SLC25A12: variants seen among roughly 807,000 people sequenced by gnomAD.
The protein encoded by SLC25A12 is electrogenic aspartate/glutamate antiporter SLC25A12, mitochondrial.
A neutral mutation model predicts 83.3 loss-of-function variants in SLC25A12; 32 were observed. That is an observed-to-expected ratio of 0.38 (90% CI 0.29 to 0.52). The LOEUF (loss-of-function observed/expected upper bound fraction) is 0.52, where lower values mean the gene tolerates loss of function less well. Ranked by LOEUF, SLC25A12 falls within the 20% of genes least tolerant of loss-of-function variation. SLC25A12 has a pLI of 0.84. For synonymous variants in SLC25A12, 267 were observed against 291.1 expected (o/e 0.92, Z 0.84); for missense variants, 611 against 835.6 (o/e 0.73, Z 3.31).
chr2:171,855,022 T>C (rs1685016285), intron 4 of SLC25A12, among the ~76,000 whole-genome samples: 2 of 152,208 alleles, frequency 1.3e-5, no homozygotes, highest in African/African-American at 2.4e-5. Flanking sequence ...ATCATTAAGA[T>C]AGTAGTAATT....
chr2:171,814,725 T>C (rs758327933), intron 10 of SLC25A12, among the ~76,000 whole-genome samples: 7 of 152,192 alleles, frequency 4.6e-5, no homozygotes, highest in Non-Finnish European at 1.0e-4. Context: ...TTCCCACTTA[T>C]AAATGAGAAC....
At chr2:171,854,529 T>C (rs1038348212) in intron 4 of SLC25A12, among the ~76,000 whole-genome samples, 2 of 151,786 alleles carry the variant, frequency 1.3e-5, no homozygotes, top group African/African-American at 2.4e-5. Flanking sequence ...ATCACGCCAT[T>C]ACAATCCAGT....
intron 4 of SLC25A12, among the ~76,000 whole-genome samples, chr2:171,851,043 C>T (rs1558931200): frequency 6.6e-6 from 1 of 152,156 alleles, no homozygotes; most frequent in Non-Finnish European, 1.5e-5. Context: ...GAGGATGTGT[C>T]CTTGGAAAAG....
At chr2:171,860,450 A>G (rs997300120) in intron 3 of SLC25A12, among the ~76,000 whole-genome samples, 18 of 152,002 alleles carry the variant, frequency 1.2e-4, no homozygotes, top group Non-Finnish European at 2.4e-4. Context: ...AATACAAAAA[A>G]AATTAGCCTG....
At chr2:171,885,300 T>C (rs1246282089) in intron 2 of SLC25A12, among the ~76,000 whole-genome samples, 1 of 152,004 alleles carries the variant, frequency 6.6e-6, no homozygotes, top group Non-Finnish European at 1.5e-5. Flanking sequence ...AGTCTCACTA[T>C]CCTGCTAGTC....
chr2:171,883,542 G>A (rs902551180), intron 2 of SLC25A12, among the ~76,000 whole-genome samples: 2 of 152,118 alleles, frequency 1.3e-5, no homozygotes, highest in African/African-American at 2.4e-5. Context: ...AGTGGCTCAC[G>A]CCTGTAATCC....
chr2:171,878,425 A>G (rs1574003171), intron 2 of SLC25A12, among the ~76,000 whole-genome samples: 2 of 152,220 alleles, frequency 1.3e-5, no homozygotes, highest in Admixed American at 6.5e-5. Context: ...ACAGAAAAGC[A>G]TAGGATCTCT....
chr2:171,791,621 G>C (rs769722343), intron 14 of SLC25A12, 32 bp from the exon 15 acceptor site: 18 of 1,609,236 alleles, frequency 1.1e-5, no homozygotes, highest in African/African-American at 6.7e-5. Flanking sequence ...GTGCAAAACA[G>C]TGTGAAACTG....
intron 3 of SLC25A12, among the ~76,000 whole-genome samples, chr2:171,862,876 GAA>G (rs1685193079): frequency 9.7e-5 from 1 of 10,280 alleles, no homozygotes; most frequent in Admixed American, 5.6e-4. Context: ...GTAGAAAATA[GAA>G]AGAGGGAGAA....
At chr2:171,886,407 AT>A (rs1055143291) in intron 2 of SLC25A12, among the ~76,000 whole-genome samples, 65 of 125,144 alleles carry the variant, frequency 5.2e-4, no homozygotes, top group African/African-American at 1.7e-3. Flanking sequence ...AGGTTTTTGT[AT>A]TTTTTGTAGA....
At chr2:171,787,725 C>A in intron 16 of SLC25A12, 64 bp from the exon 17 acceptor site, 1 of 1,608,916 alleles carries the variant, frequency 6.2e-7, no homozygotes, top group Non-Finnish European at 8.5e-7. Context: ...AAGATAGCCA[C>A]TGAGTCACAG....
chr2:171,821,750 TAAA>T (rs1684199240), intron 9 of SLC25A12, among the ~76,000 whole-genome samples: 2 of 152,222 alleles, frequency 1.3e-5, no homozygotes, highest in Non-Finnish European at 2.9e-5. Context: ...CTCTATTATT[TAAA>T]TTATTGCAAA....
At chr2:171,871,215 C>T (rs1685450248) in intron 2 of SLC25A12, among the ~76,000 whole-genome samples, 1 of 151,720 alleles carries the variant, frequency 6.6e-6, no homozygotes, top group South Asian at 2.1e-4. Flanking sequence ...GAACAAAAAA[C>T]AAACAAAAAA....
intron 2 of SLC25A12, among the ~76,000 whole-genome samples, chr2:171,878,843 G>A (rs576500986): frequency 1.8e-4 from 28 of 152,296 alleles, no homozygotes; most frequent in African/African-American, 6.7e-4. Context: ...AGTATATGAA[G>A]CTAGTTCTCT....
intron 2 of SLC25A12, among the ~76,000 whole-genome samples, chr2:171,869,352 T>C (rs1393837001): frequency 1.3e-5 from 2 of 152,142 alleles, no homozygotes; most frequent in Non-Finnish European, 2.9e-5. Context: ...TTTATCTCAA[T>C]TAAAAATACA....
At chr2:171,885,006 G>C (rs1685785846) in intron 2 of SLC25A12, among the ~76,000 whole-genome samples, 1 of 152,106 alleles carries the variant, frequency 6.6e-6, no homozygotes, top group South Asian at 2.1e-4. Context: ...AAAGTCAGGA[G>C]ACTGAGACCA....
intron 13 of SLC25A12, among the ~76,000 whole-genome samples, chr2:171,805,336 C>T (rs968326885): frequency 3.9e-5 from 6 of 152,132 alleles, no homozygotes; most frequent in African/African-American, 1.4e-4. Flanking sequence ...GTCTCGAACT[C>T]CTGACCTCAG....
At chr2:171,848,476 A>C (rs1684845894) in intron 4 of SLC25A12, among the ~76,000 whole-genome samples, 1 of 152,222 alleles carries the variant, frequency 6.6e-6, no homozygotes, top group African/African-American at 2.4e-5. Context: ...GAAGTCAGAG[A>C]GGTTTTTAGG....
At chr2:171,837,336 A>G in intron 5 of SLC25A12, 69 bp from the exon 6 acceptor site, 2 of 1,530,178 alleles carry the variant, frequency 1.3e-6, no homozygotes, top group South Asian at 1.1e-5. Context: ...TTGGAAAGGA[A>G]GGAAGGACAG....
Sources: allele counts gnomAD v4.1 joint callset (sites outside exome capture counted in the v4.1 genomes callset), GRCh38; gene constraint gnomAD v4.1.1; transcripts MANE v1.5; gene names NCBI Gene and HGNC (gene_info 2026-07-23, HGNC 2026-07-21).